LRP1B: variants seen among roughly 807,000 people sequenced by gnomAD.
LRP1B encodes the protein LDL receptor related protein 1B, also known as low-density lipoprotein receptor-related protein 1B.
Under a neutral mutation model 556.6 loss-of-function variants are expected in LRP1B, and 217 were observed. That is an observed-to-expected ratio of 0.39 (90% CI 0.35 to 0.44). The LOEUF is 0.44. Ranked by LOEUF, LRP1B falls within the 20% of genes least tolerant of loss-of-function variation. LRP1B has a pLI of 1.00. For synonymous variants in LRP1B, 2,047 were observed against 1,865.8 expected (o/e 1.10, Z -2.50); for missense variants, 5,053 against 5,620.8 (o/e 0.90, Z 3.23).
intron 7 of LRP1B, among the ~76,000 whole-genome samples, chr2:141,071,853 G>A (rs1699653708): frequency 6.6e-6 from 1 of 152,146 alleles, no homozygotes; most frequent in Admixed American, 6.6e-5. Context: ...TGAAATAAAA[G>A]AGTATACAAA....
At chr2:141,142,518 GC>G (rs1274950184) in intron 7 of LRP1B, among the ~76,000 whole-genome samples, 1 of 152,074 alleles carries the variant, frequency 6.6e-6, no homozygotes, top group Non-Finnish European at 1.5e-5. Context: ...TATGGTATCT[GC>G]CTATGATGTT....
intron 1 of LRP1B, among the ~76,000 whole-genome samples, chr2:141,914,614 T>C (rs1250514458): frequency 6.6e-6 from 1 of 152,200 alleles, no homozygotes; most frequent in African/African-American, 2.4e-5. Flanking sequence ...CTAAAGATTA[T>C]GCCAAAAGGC....
chr2:140,270,113 A>G, intron 86 of LRP1B, 129 bp downstream of exon 86: 1 of 653,028 alleles, frequency 1.5e-6, no homozygotes, highest in South Asian at 1.8e-5. Flanking sequence ...ATGAGGGACA[A>G]TACTTGATCA....
chr2:141,820,812 A>G (rs1696726601), intron 1 of LRP1B, among the ~76,000 whole-genome samples: 1 of 152,346 alleles, frequency 6.6e-6, no homozygotes. Context: ...GAAATTGACT[A>G]AAATTGAATA....
intron 43 of LRP1B, among the ~76,000 whole-genome samples, chr2:140,582,472 A>G (rs1255100839): frequency 6.6e-6 from 1 of 152,180 alleles, no homozygotes; most frequent in Non-Finnish European, 1.5e-5. Flanking sequence ...ATGTGTTGAA[A>G]CTTAATTGCC....
intron 77 of LRP1B, among the ~76,000 whole-genome samples, chr2:140,336,999 G>A (rs1385677211): frequency 6.6e-6 from 1 of 151,812 alleles, no homozygotes; most frequent in Non-Finnish European, 1.5e-5. Flanking sequence ...GAGAAGCAGT[G>A]GAAATATGAG....
chr2:141,382,455 A>G (rs1689677356), intron 3 of LRP1B, among the ~76,000 whole-genome samples: 1 of 152,242 alleles, frequency 6.6e-6, no homozygotes, highest in African/African-American at 2.4e-5. Flanking sequence ...GCCAACAGAC[A>G]GTCTCACTAG....
Position 141,078,356 on chromosome 2 carries a change from C to G in LRP1B, c.1014-16083G>C, listed in dbSNP as rs769956755. Among the ~76,000 whole-genome samples, 28 of 152,108 alleles carry G rather than the reference C, an allele frequency of 1.8e-4. No homozygotes were observed. The Middle Eastern group carries it at 0.01, about 55-fold the overall frequency. ...TTCTTTCTCCCACAGAATTTCAGTC[C>G]TGCAGTCCAGCTTCGTTGACATGGC... On this transcript the variant is annotated intron_variant, in intron 7 of 90. Transcript: ENST00000389484.
At chr2:141,092,239 A>G (rs946658504) in intron 7 of LRP1B, among the ~76,000 whole-genome samples, 1 of 152,196 alleles carries the variant, frequency 6.6e-6, no homozygotes, top group Non-Finnish European at 1.5e-5. Flanking sequence ...TCAACCAAAG[A>G]GTTATAGGTA....
chr2:141,631,538 CAA>C (rs71391663), intron 2 of LRP1B, among the ~76,000 whole-genome samples: 16,449 of 92,404 alleles, frequency 0.18, 977 homozygotes, highest in South Asian at 0.23. Flanking sequence ...ACCAGTTTTC[CAA>C]AAAAAAAAAA....
intron 11 of LRP1B, among the ~76,000 whole-genome samples, chr2:141,028,149 T>C (rs1411226863): frequency 6.6e-6 from 1 of 152,016 alleles, no homozygotes; most frequent in Non-Finnish European, 1.5e-5. Flanking sequence ...ATGCATTGTT[T>C]TTATATAATA....
chr2:140,634,663 G>T (rs1226787571), intron 41 of LRP1B, among the ~76,000 whole-genome samples: 1 of 152,034 alleles, frequency 6.6e-6, no homozygotes, highest in Non-Finnish European at 1.5e-5. Flanking sequence ...ATGACATGAT[G>T]AAAATGGCAC....
intron 1 of LRP1B, among the ~76,000 whole-genome samples, chr2:141,875,598 C>G (rs530884279): frequency 8.6e-5 from 13 of 151,838 alleles, no homozygotes; most frequent in Non-Finnish European, 1.5e-4. Context: ...GACAATTATT[C>G]AATTTCATAA....
chr2:140,392,932 C>CTT (rs34357201), intron 66 of LRP1B, among the ~76,000 whole-genome samples: 3,053 of 144,210 alleles, frequency 0.021, 36 homozygotes, highest in African/African-American at 0.03. Flanking sequence ...TCATATATAA[C>CTT]TTTTTTTTTT....
At chr2:141,321,461 A>G (rs1476091544) in intron 3 of LRP1B, among the ~76,000 whole-genome samples, 1 of 152,146 alleles carries the variant, frequency 6.6e-6, no homozygotes, top group African/African-American at 2.4e-5. Context: ...GGTTGTCTCA[A>G]GAAAGAATAT....
Position 141,762,753 on chromosome 2 carries a change from T to C in LRP1B, c.205+47526A>G, listed in dbSNP as rs568132628. Among the ~76,000 whole-genome samples the C allele has an allele frequency of 3.9e-5, 6 of 152,042 alleles. 1 individual carries two copies. In the South Asian group the frequency reaches 1.0e-3, roughly 26 times the overall value. On this transcript the variant is annotated intron_variant, in intron 2 of 90. Transcript: ENST00000389484. The stretch of plus-strand genomic sequence containing the variant: ...GGTCATTACTTGCGTGACTATAGTG[T>C]TTTTCTTTAAGTTCTCTTCTCTAGA...
intron 1 of LRP1B, among the ~76,000 whole-genome samples, chr2:142,079,281 TGTTGA>T (rs954315197): frequency 7.2e-5 from 11 of 152,264 alleles, no homozygotes; most frequent in South Asian, 2.1e-4. Flanking sequence ...TTTGTTTGTG[TGTTGA>T]GTTATTTTGC....
intron 1 of LRP1B, among the ~76,000 whole-genome samples, chr2:142,016,512 GT>G (rs1703135095): frequency 6.6e-6 from 1 of 152,122 alleles, no homozygotes; most frequent in Non-Finnish European, 1.5e-5. Flanking sequence ...AAAAGGATGA[GT>G]TCATGACCTT....
chr2:141,202,736 T>A (rs1193751130), intron 6 of LRP1B, among the ~76,000 whole-genome samples: 1 of 63,208 alleles, frequency 1.6e-5, no homozygotes, highest in African/African-American at 3.6e-5. Context: ...TCTGTTCATG[T>A]TTTTGCCCAA....
Sources: gnomAD v4.1 joint callset for allele counts (sites outside exome capture counted in the v4.1 genomes callset) on GRCh38, gnomAD v4.1.1 for gene constraint, MANE v1.5 for transcripts, NCBI Gene and HGNC (gene_info 2026-07-23, HGNC 2026-07-21) for gene names.